The following ARHGEF7 variants were observed in gnomAD, a reference collection of about 807,000 sequenced individuals.
ARHGEF7 encodes PAK-interacting exchange factor beta.
Under a neutral mutation model 109.8 loss-of-function variants are expected in ARHGEF7, and 33 were observed. That is an observed-to-expected ratio of 0.30 (90% CI 0.23 to 0.40). ARHGEF7 has a LOEUF of 0.40. Among genes scored for constraint, ARHGEF7 ranks in the 10% least tolerant of loss-of-function variants. ARHGEF7 has a pLI of 1.00. For synonymous variants in ARHGEF7, 458 were observed against 424.6 expected, an observed-to-expected ratio of 1.08 and a Z score of -0.97; for missense variants, 938 against 1,098.5, an observed-to-expected ratio of 0.85 and a Z score of 2.07.
chr13:111,220,943 C>G (rs2083760812), intron 5 of ARHGEF7, among the ~76,000 whole-genome samples: 1 of 112,122 alleles, frequency 8.9e-6, no homozygotes, highest in Non-Finnish European at 2.1e-5. Flanking sequence ...TAGTATTCTC[C>G]TGTTAGTTAT....
In ARHGEF7 at chr13:111,255,177, T is replaced by G. The variant is rs2090267799; in HGVS notation, c.950+10883T>G. ...AGAGGATTCGGGCTAAGGCGCTGAGTCGCTAACGTGAAGGCCGGGCTCAGA... is the reference window on the plus strand; with the variant it reads ...AGAGGATTCGGGCTAAGGCGCTGAGGCGCTAACGTGAAGGCCGGGCTCAGA... On this transcript the variant is annotated intron_variant, in intron 8 of 21. Transcript: ENST00000646102. The surrounding 1 kb of genome is among the most constrained non-coding windows in gnomAD (Gnocchi z 4.1). 6.7e-6 allele frequency among the ~76,000 whole-genome samples: 1 copy of G among 149,372 alleles called. No individual in the cohort carries two copies. The highest frequency in any genetic ancestry group is 1.5e-5 in the Non-Finnish European group (1 of 67,332).
chr13:111,278,767 C>T (rs185973489), intron 13 of ARHGEF7, among the ~76,000 whole-genome samples: 1 of 152,312 alleles, frequency 6.6e-6, no homozygotes, highest in East Asian at 1.9e-4. Flanking sequence ...TATCTGGCTT[C>T]CGATTTTATA....
chr13:111,192,611 T>TA (rs1478359461), intron 2 of ARHGEF7, among the ~76,000 whole-genome samples: 1 of 152,196 alleles, frequency 6.6e-6, no homozygotes, highest in Non-Finnish European at 1.5e-5. Flanking sequence ...TTTCTTGTGT[T>TA]AGTTTCCTTT....
At chr13:111,283,589 T>C (rs2092887375) in intron 16 of ARHGEF7, among the ~76,000 whole-genome samples, 1 of 152,236 alleles carries the variant, frequency 6.6e-6, no homozygotes, top group African/African-American at 2.4e-5. Context: ...CTTTCTGCCA[T>C]GCACAGGGGG....
intron 5 of ARHGEF7, among the ~76,000 whole-genome samples, chr13:111,231,808 G>T (rs2086098009): frequency 6.6e-6 from 1 of 152,190 alleles, no homozygotes; most frequent in African/African-American, 2.4e-5. Context: ...TTCCCGCCCA[G>T]TGAGGGGGTT....
At position 111,153,920 on chromosome 13, in the gene ARHGEF7, C is replaced by T; in HGVS notation, c.181C>T (p.Arg61Trp). The change falls in exon 2 of 22, where the codon CGG (arginine) becomes TGG (tryptophan). Residue 61 changes from arginine to tryptophan, a missense_variant. This residue lies in a region of ARHGEF7 where 165 missense variants were observed against 125.8 expected (regional missense o/e 1.31). Coordinates refer to ENST00000646102, the MANE Select transcript of ARHGEF7 (RefSeq NM_001354046.2). ...TGTATTGCAGGTCTACCCCGAGCCC[C>T]GGAGCGAGAGCGAGTGCCTGAGCAA... is the stretch of plus-strand genomic sequence containing the variant. ...GTIEKVYPEPRSESECLSNIR... is the reference protein window; with the variant it reads ...GTIEKVYPEPWSESECLSNIR... 3 of 1,605,198 alleles carry T rather than the reference C, an allele frequency of 1.9e-6. No homozygotes were observed. Among genetic ancestry groups the T allele is most frequent in the East Asian group, 2.3e-5 (1 of 43,502 alleles).
chr13:111,194,906 C>T (rs2080315127), intron 2 of ARHGEF7, among the ~76,000 whole-genome samples: 1 of 152,178 alleles, frequency 6.6e-6, no homozygotes, highest in South Asian at 2.1e-4. Flanking sequence ...CATTCTGCTT[C>T]CTCTGGTATT....
Position 111,267,639 on chromosome 13 carries a change from C to T in ARHGEF7, c.1042C>T (p.Pro348Ser). The T allele has an allele frequency of 6.2e-7, 1 of 1,614,084 alleles. No homozygotes were observed. Among genetic ancestry groups the T allele is most frequent in the Non-Finnish European group, 8.5e-7 (1 of 1,179,950 alleles). Residue 348 changes from proline (P) to serine (S), a missense_variant, in exon 9 of 22, where the codon CCT becomes TCT. Around this residue, in one of 4 missense-constraint regions of ARHGEF7, gnomAD observed 585 missense variants for 723.6 expected, o/e 0.81. Coordinates refer to ENST00000646102, the MANE Select transcript of ARHGEF7 (RefSeq NM_001354046.2). ...GTACCTCACGTATTGTGCCAATCAC[C>T]CTTCTGCAGTGAATGTCCTCACGGA... ...TLYLTYCANH[P>S]SAVNVLTEHS...
intron 4 of ARHGEF7, among the ~76,000 whole-genome samples, chr13:111,216,800 G>A (rs1035371060): frequency 2.0e-5 from 3 of 152,224 alleles, no homozygotes; most frequent in Non-Finnish European, 4.4e-5. Context: ...CTTCTCCTAG[G>A]GTTGTCAGGC....
intron 4 of ARHGEF7, among the ~76,000 whole-genome samples, chr13:111,213,497 G>C (rs1342883366): frequency 6.6e-6 from 1 of 152,194 alleles, no homozygotes; most frequent in Non-Finnish European, 1.5e-5. Context: ...CCAACTCCTC[G>C]ATGGAGCTTG....
At position 111,283,378 on chromosome 13, in the gene ARHGEF7, C is replaced by G. The variant is rs372413199; in HGVS notation, c.1950+15C>G. ...GCTACAAGGAGGTGAGGTCCCTTGA[C>G]CACTCAAACAGCCAGATGACGGTGA... On this transcript the variant is annotated intron_variant, in intron 16 of 21. Coordinates refer to ENST00000646102, the MANE Select transcript of ARHGEF7 (RefSeq NM_001354046.2). The G allele has an allele frequency of 1.0e-5, 16 of 1,538,992 alleles. No homozygotes were observed. In the African/African-American group the frequency reaches 1.9e-4, roughly 18 times the overall value.
At chr13:111,163,018 A>G (rs1448279093) in intron 2 of ARHGEF7, among the ~76,000 whole-genome samples, 1 of 152,222 alleles carries the variant, frequency 6.6e-6, no homozygotes, top group African/African-American at 2.4e-5. Flanking sequence ...CACCAAAGAT[A>G]TGTTTGAGGC....
intron 20 of ARHGEF7, 90 bp from the exon 21 acceptor site, chr13:111,301,388 C>A: frequency 9.0e-7 from 1 of 1,105,472 alleles, no homozygotes; most frequent in South Asian, 1.3e-5. Flanking sequence ...GTGTCCTCCT[C>A]TCAGCATCGT....
At chr13:111,146,009 G>A (rs777244849) in intron 1 of ARHGEF7, among the ~76,000 whole-genome samples, 6 of 152,160 alleles carry the variant, frequency 3.9e-5, no homozygotes, top group Admixed American at 1.3e-4. Context: ...ATGAGACATC[G>A]GTGGGCCCTG....
At chr13:111,224,154 G>T (rs570115728) in intron 5 of ARHGEF7, among the ~76,000 whole-genome samples, 2 of 152,178 alleles carry the variant, frequency 1.3e-5, no homozygotes, top group Non-Finnish European at 2.9e-5. Flanking sequence ...CGCAGCCAGC[G>T]TCTACAGCAT....
chr13:111,222,186 G>T (rs1375603127), intron 5 of ARHGEF7, among the ~76,000 whole-genome samples: 2 of 152,150 alleles, frequency 1.3e-5, no homozygotes, highest in Admixed American at 6.5e-5. Flanking sequence ...TTGGCACTGA[G>T]TATTAACCAT....
chr13:111,276,751 A>G (rs1310968568), intron 12 of ARHGEF7, among the ~76,000 whole-genome samples: 1 of 152,222 alleles, frequency 6.6e-6, no homozygotes, highest in Non-Finnish European at 1.5e-5. Context: ...AAAGTACGGA[A>G]GACTCTTTTC....
rs900030534 is a variant in ARHGEF7, at chr13:111,272,709, G to A, written c.1074-1105G>A. 2.0e-5 allele frequency among the ~76,000 whole-genome samples: 3 copies of A among 152,084 alleles called. No homozygotes were observed. Among genetic ancestry groups the A allele is most frequent in the Non-Finnish European group, 2.9e-5 (2 of 68,006 alleles). The stretch of plus-strand genomic sequence containing the variant: ...GTCATCCTGGTCTGGACCTGGCATC[G>A]GCTGCCAGCGCTGGTGCTGCCTCCC... On this transcript the variant is annotated intron_variant, in intron 9 of 21. Transcript: ENST00000646102. The surrounding 1 kb of genome is among the most constrained non-coding windows in gnomAD (Gnocchi z 5.2).
At chr13:111,229,202 G>A (rs2085668035) in intron 5 of ARHGEF7, among the ~76,000 whole-genome samples, 1 of 152,130 alleles carries the variant, frequency 6.6e-6, no homozygotes, top group Admixed American at 6.5e-5. Flanking sequence ...TTCAGTTCCA[G>A]AAAGGATCTT....
Sources: gnomAD v4.1 joint callset for allele counts (sites outside exome capture counted in the v4.1 genomes callset) on GRCh38, gnomAD v4.1.1 for gene constraint, gnomAD v4.1.1 regional missense constraint, Gnocchi (gnomAD v3.1) non-coding constraint, MANE v1.5 for transcripts, NCBI Gene and HGNC (gene_info 2026-07-23, HGNC 2026-07-21) for gene names.